APOBEC3H: variants seen among roughly 807,000 people sequenced by gnomAD.
The protein encoded by APOBEC3H is DNA dC->dU-editing enzyme APOBEC-3H.
In APOBEC3H, 8 loss-of-function variants were observed where a neutral mutation model predicts 21.2. The observed-to-expected ratio is 0.38, with a 90% CI of 0.22 to 0.68. APOBEC3H has a LOEUF of 0.68. APOBEC3H is among the 30% of genes least tolerant of loss of function. The pLI is 0.52. For synonymous variants in APOBEC3H, 88 were observed against 91.0 expected, an observed-to-expected ratio of 0.97 and a Z score of 0.19; for missense variants, 229 against 228.1, an observed-to-expected ratio of 1.00 and a Z score of -0.03.
chr22:39,103,600 C>T (rs1929491394), intron 4 of APOBEC3H, 89 bp from the exon 5 acceptor site: 1 of 1,414,850 alleles, frequency 7.1e-7, no homozygotes, highest in Non-Finnish European at 1.0e-6. Context: ...CTTTTCTCTT[C>T]CTAATGATCT....
intron 2 of APOBEC3H, 165 bp downstream of exon 2, chr22:39,100,593 C>G: frequency 2.1e-6 from 2 of 936,484 alleles, no homozygotes; most frequent in Non-Finnish European, 3.1e-6. Context: ...TTAGCTGGAT[C>G]TGAGTGGCCC....
chr22:39,103,054 AGGC>A (rs1308476982), intron 4 of APOBEC3H, among the ~76,000 whole-genome samples: 1 of 151,706 alleles, frequency 6.6e-6, no homozygotes. Context: ...CAGGAGGCCA[AGGC>A]GGGTGGATCA....
chr22:39,099,248 C>G (rs1040034959), intron 1 of APOBEC3H, among the ~76,000 whole-genome samples: 6 of 152,150 alleles, frequency 3.9e-5, no homozygotes, highest in Admixed American at 1.3e-4. Flanking sequence ...AAAATTGAAT[C>G]CTCTGTAGAA....
In APOBEC3H at chr22:39,104,014, C is replaced by G. The variant is rs113354263; in HGVS notation, c.*317C>G. On this transcript the variant is annotated 3_prime_UTR_variant, in exon 5 of 5. Coordinates refer to ENST00000442487, the MANE Select transcript of APOBEC3H (RefSeq NM_181773.5). ...GGTACGGTGGCTCACGCCTGTAATC[C>G]TAGCACTTTGGGAGGCTGAGATGCT... The G allele has an allele frequency of 4.6e-5, 20 of 430,226 alleles. 1 individual carries two copies. The highest frequency in any genetic ancestry group is 3.0e-4 in the African/African-American group (15 of 50,132). 26.7% of individuals were successfully genotyped at this position (430,226 alleles called of 1,614,324 possible). A position where few individuals can be genotyped will look rare whatever the true frequency, so the allele number is the denominator to read the frequency against.
rs1929333069 is a variant in APOBEC3H at position 39,101,507 on chromosome 22, A to G, written c.418+3A>G. On this transcript the variant is annotated splice_donor_region_variant and intron_variant, in intron 3 of 4. Transcript: ENST00000442487. ...GGTGGAGGTCATGGGCTTCCCAGGT[A>G]GGAAAGAGGCTTTGCAGTTATAAGA... is the stretch of plus-strand genomic sequence containing the variant. The G allele has an allele frequency of 4.1e-6, 6 of 1,463,634 alleles. No homozygotes were observed. The highest frequency in any genetic ancestry group is 5.5e-6 in the Non-Finnish European group (6 of 1,087,486). 90.7% of individuals were successfully genotyped at this position (1,463,634 alleles called of 1,614,324 possible).
Position 39,102,524 on chromosome 22 carries a change from CGT to C in APOBEC3H, c.543+484_543+485del, listed in dbSNP as rs1416587868. The C allele has an allele frequency of 9.5e-5, 68 of 718,372 alleles. 1 individual carries two copies. The highest frequency in any genetic ancestry group is 9.4e-4 in the Admixed American group (47 of 49,986). 44.5% of individuals were successfully genotyped at this position (718,372 alleles called of 1,614,324 possible). Reference sequence around the variant, plus strand: ...CTTGTTCTTTTAGATTCCAGGGGTACGTGCGCAGGGTCGTTACATGGATATAT... The same window carrying C: ...CTTGTTCTTTTAGATTCCAGGGGTACGCGCAGGGTCGTTACATGGATATAT... On this transcript the variant is annotated intron_variant, in intron 4 of 4. Coordinates refer to ENST00000442487, the MANE Select transcript of APOBEC3H (RefSeq NM_181773.5).
At position 39,103,887 on chromosome 22, in the gene APOBEC3H, A is replaced by C. The variant is rs188083049; in HGVS notation, c.*190A>C. On this transcript the variant is annotated 3_prime_UTR_variant, in exon 5 of 5. Coordinates refer to ENST00000442487, the MANE Select transcript of APOBEC3H (RefSeq NM_181773.5). Reference sequence around the variant, plus strand: ...CCCCAACCTGGCCCCATCCAAGTACAGAAGACCTTCCTTTCCTCCTTTTTC... The same window carrying C: ...CCCCAACCTGGCCCCATCCAAGTACCGAAGACCTTCCTTTCCTCCTTTTTC... 405 of 678,210 alleles carry C rather than the reference A, an allele frequency of 6.0e-4. 1 individual carries two copies. The African/African-American group carries it at 6.4e-3, about 11-fold the overall frequency. 42.0% of individuals were successfully genotyped at this position (678,210 alleles called of 1,614,324 possible).
At position 39,103,845 on chromosome 22, in the gene APOBEC3H, A is replaced by G. The variant is rs1929504709; in HGVS notation, c.*148A>G. The G allele has an allele frequency of 3.0e-6, 3 of 1,014,506 alleles. No individual in the cohort carries two copies. In the East Asian group the frequency reaches 7.1e-5, roughly 24 times the overall value. 62.8% of individuals were successfully genotyped at this position (1,014,506 alleles called of 1,614,324 possible). A position where few individuals can be genotyped will look rare whatever the true frequency, so the allele number is the denominator to read the frequency against. ...GTCCTGTAAGCAAGCACTAAGCTCCACAGTGCCAGTTCCTTGCCCCAACCT... is the reference window on the plus strand; with the variant it reads ...GTCCTGTAAGCAAGCACTAAGCTCCGCAGTGCCAGTTCCTTGCCCCAACCT... On this transcript the variant is annotated 3_prime_UTR_variant, in exon 5 of 5. Coordinates refer to ENST00000442487, the MANE Select transcript of APOBEC3H (RefSeq NM_181773.5).
At chr22:39,102,588 G>A in intron 4 of APOBEC3H, 1 of 717,806 alleles carries the variant, frequency 1.4e-6, no homozygotes, top group South Asian at 1.5e-5. Flanking sequence ...CAATCTACTG[G>A]AACATAGCAC....
chr22:39,097,598 T>C (rs909507606), intron 1 of APOBEC3H, among the ~76,000 whole-genome samples: 5 of 152,210 alleles, frequency 3.3e-5, no homozygotes, highest in African/African-American at 1.2e-4. Flanking sequence ...CTAAGAGTCA[T>C]GGCTGGGCTA....
At chr22:39,099,038 T>C (rs1929153930) in intron 1 of APOBEC3H, among the ~76,000 whole-genome samples, 2 of 151,950 alleles carry the variant, frequency 1.3e-5, no homozygotes, top group South Asian at 4.1e-4. Context: ...TCTACAAAAA[T>C]ACAAAAATTA....
At chr22:39,099,572 A>C (rs1444810414) in intron 1 of APOBEC3H, among the ~76,000 whole-genome samples, 1 of 152,222 alleles carries the variant, frequency 6.6e-6, no homozygotes, top group African/African-American at 2.4e-5. Flanking sequence ...TGAGCAGCTC[A>C]GAGCAGCTCT....
chr22:39,100,817 T>TGCCTCCCC (rs1282910046), intron 2 of APOBEC3H, among the ~76,000 whole-genome samples: 6 of 152,028 alleles, frequency 3.9e-5, no homozygotes, highest in African/African-American at 1.4e-4. Flanking sequence ...CTACCTGCCC[T>TGCCTCCCC]GCCTCCCCGC....
intron 1 of APOBEC3H, among the ~76,000 whole-genome samples, chr22:39,098,931 C>T (rs1038456362): frequency 3.3e-5 from 5 of 152,274 alleles, no homozygotes; most frequent in East Asian, 1.9e-4. Context: ...CGGTGGCTCA[C>T]GCCTATAATC....
At chr22:39,101,136 GC>G in intron 2 of APOBEC3H, 100 bp from the exon 3 acceptor site, 1 of 378,520 alleles carries the variant, frequency 2.6e-6, no homozygotes. Flanking sequence ...AGACCCCTCT[GC>G]CCCCCCATCC....
At position 39,101,633 on chromosome 22, in the gene APOBEC3H, CG is replaced by C. The variant is rs1409762965; in HGVS notation, c.418+135del. On this transcript the variant is annotated intron_variant, in intron 3 of 4. Coordinates refer to ENST00000442487, the MANE Select transcript of APOBEC3H (RefSeq NM_181773.5). ...GCGGGGGCGGGTTGGAGGAGGTTGGCGGGGGGTGGGGGCGGGTTGGAGGAGG... is the reference window on the plus strand; with the variant it reads ...GCGGGGGCGGGTTGGAGGAGGTTGGCGGGGGTGGGGGCGGGTTGGAGGAGG... 296 of 192,964 alleles carry C rather than the reference CG, an allele frequency of 1.5e-3. 17 individuals are homozygous for C. The African/African-American group carries it at 0.041, about 26-fold the overall frequency. The allele number at this position is 192,964 out of a possible 1,614,324, so 12.0% of individuals were successfully genotyped here.
At chr22:39,100,569 G>A (rs1387299605) in intron 2 of APOBEC3H, 141 bp downstream of exon 2, 13 of 1,215,380 alleles carry the variant, frequency 1.1e-5, no homozygotes, top group African/African-American at 1.5e-5. Context: ...CTTGGTGCCT[G>A]CCTGGGTTTT....
At position 39,100,569 on chromosome 22, in the gene APOBEC3H, GC is replaced by G. The variant is rs1929255350; in HGVS notation, c.150+143del. On this transcript the variant is annotated intron_variant, in intron 2 of 4. Coordinates refer to ENST00000442487, the MANE Select transcript of APOBEC3H (RefSeq NM_181773.5). ...TGTGTTTTCGTAACCCTTGGTGCCT[GC>G]CTGGGTTTTGGCTTAGCTGGATCTG... 2.5e-6 allele frequency: 3 copies of G among 1,215,498 alleles called. No homozygotes were observed. The East Asian group carries it at 7.7e-5, about 31-fold the overall frequency. The allele number at this position is 1,215,498 out of a possible 1,614,324, so 75.3% of individuals were successfully genotyped here.
Position 39,100,348 on chromosome 22 carries a change from T to A in APOBEC3H, c.70T>A (p.Tyr24Asn). 1 of 1,614,074 alleles carries A rather than the reference T, an allele frequency of 6.2e-7. No individual in the cohort carries two copies. The highest frequency in any genetic ancestry group is 8.5e-7 in the Non-Finnish European group (1 of 1,179,994). Reference sequence around the variant, plus strand: ...CAAGCGCCGCCTCAGAAGGCCTTACTACCCGAGGAAGGCCCTCTTGTGTTA... The same window carrying A: ...CAAGCGCCGCCTCAGAAGGCCTTACAACCCGAGGAAGGCCCTCTTGTGTTA... Reference protein sequence around the residue: ...NNKRRLRRPYYPRKALLCYQL... With the variant: ...NNKRRLRRPYNPRKALLCYQL... Residue 24 changes from tyrosine (Y) to asparagine (N), a missense_variant, in exon 2 of 5, where the codon TAC becomes AAC. Physicochemically the swap from Tyr to Asn is moderately radical, Grantham distance 143. Transcript: ENST00000442487.
Sources: gnomAD v4.1 joint callset for allele counts (sites outside exome capture counted in the v4.1 genomes callset) on GRCh38, gnomAD v4.1.1 for gene constraint, MANE v1.5 for transcripts, NCBI Gene and HGNC (gene_info 2026-07-23, HGNC 2026-07-21) for gene names.